Variants in MAST4 observed in about 807,000 individuals in gnomAD.
The protein encoded by MAST4 is microtubule-associated serine/threonine-protein kinase 4.
In MAST4, 89 loss-of-function variants were observed where a neutral mutation model predicts 162.7. The ratio of observed to expected loss-of-function variants is 0.55; its 90% CI spans 0.46 to 0.65. The LOEUF is 0.65. MAST4 is among the 30% of genes least tolerant of loss of function. The probability of loss-of-function intolerance (pLI) is 0.00; values close to 1 mark genes in which losing one functional copy is unlikely to be tolerated. For missense variants in MAST4, 3,153 were observed against 3,374.0 expected (o/e 0.93, Z 1.62); for synonymous variants, 1,479 against 1,361.1 (o/e 1.09, Z -1.91).
At chr5:66,832,553 A>T (rs1343703572) in intron 3 of MAST4, among the ~76,000 whole-genome samples, 1 of 152,176 alleles carries the variant, frequency 6.6e-6, no homozygotes, top group African/African-American at 2.4e-5. Context: ...GCAAAATAGC[A>T]GATAGATTCT....
At chr5:66,723,708 G>A (rs1297324420) in intron 1 of MAST4, among the ~76,000 whole-genome samples, 1 of 152,126 alleles carries the variant, frequency 6.6e-6, no homozygotes, top group Non-Finnish European at 1.5e-5. Flanking sequence ...CTTTTTCAAG[G>A]AATGATCTTA....
intron 4 of MAST4, among the ~76,000 whole-genome samples, chr5:66,981,625 C>T (rs986190761): frequency 1.3e-5 from 2 of 152,188 alleles, no homozygotes; most frequent in Non-Finnish European, 2.9e-5. Context: ...TAAAAACATC[C>T]TTAGTTTGTT....
chr5:67,165,558 C>T lies in MAST4; in HGVS notation c.6379C>T (p.Gln2127Ter). 1 of 1,614,002 alleles carries T rather than the reference C, an allele frequency of 6.2e-7. No individual in the cohort carries two copies. Among genetic ancestry groups the T allele is most frequent in the Non-Finnish European group, 8.5e-7 (1 of 1,179,874 alleles). Residue 2127 changes from glutamine (Q) to a stop codon, truncating the protein, a stop_gained, in exon 29 of 29, where the codon CAA (glutamine) becomes TAA (stop). Transcript: ENST00000403625. LOFTEE classifies it low-confidence loss of function (END_TRUNC). Reference protein sequence around the residue: ...KEPERKEQPLQRHPSSIPPPP... With the variant: ...KEPERKEQPL ...ACCTGAAAGGAAGGAGCAGCCTCTA[C>T]AAAGGCATCCCAGCAGCATCCCTCC...
chr5:66,745,502 A>G (rs1752701386), intron 1 of MAST4, among the ~76,000 whole-genome samples: 1 of 152,222 alleles, frequency 6.6e-6, no homozygotes, highest in Non-Finnish European at 1.5e-5. Context: ...TCATCGATTA[A>G]TGATCAATAT....
At chr5:66,828,879 C>T in intron 3 of MAST4, 1 of 1,602,180 alleles carries the variant, frequency 6.2e-7, no homozygotes, top group Non-Finnish European at 8.5e-7. Context: ...GAAGAGGGCT[C>T]CAGGTAGGAG....
At chr5:67,029,507 T>C (rs1755060650) in intron 4 of MAST4, among the ~76,000 whole-genome samples, 1 of 152,098 alleles carries the variant, frequency 6.6e-6, no homozygotes, top group African/African-American at 2.4e-5. Flanking sequence ...GTTAAGTATA[T>C]TGAGGGACCT....
At chr5:66,753,503 T>C (rs1222026625) in intron 1 of MAST4, among the ~76,000 whole-genome samples, 1 of 151,602 alleles carries the variant, frequency 6.6e-6, no homozygotes, top group Non-Finnish European at 1.5e-5. Flanking sequence ...CAAACTACCA[T>C]CAGAGAATAC....
At chr5:66,837,026 G>A (rs1215415156) in intron 3 of MAST4, among the ~76,000 whole-genome samples, 1 of 148,796 alleles carries the variant, frequency 6.7e-6, no homozygotes, top group Non-Finnish European at 1.5e-5. Context: ...GCAGGATCAT[G>A]TGTGTGTGTG....
At chr5:66,845,476 G>A (rs1168041131) in intron 3 of MAST4, among the ~76,000 whole-genome samples, 3 of 151,952 alleles carry the variant, frequency 2.0e-5, no homozygotes, top group African/African-American at 7.3e-5. Flanking sequence ...AGTATTCCAT[G>A]GTGTATATGT....
intron 12 of MAST4, among the ~76,000 whole-genome samples, chr5:67,116,980 T>C (rs1200936800): frequency 6.6e-6 from 1 of 152,204 alleles, no homozygotes. Flanking sequence ...CACTGCATGC[T>C]GTGTGAACCT....
chr5:66,686,618 A>G (rs557727558), intron 1 of MAST4, among the ~76,000 whole-genome samples: 8 of 152,298 alleles, frequency 5.3e-5, no homozygotes, highest in Admixed American at 1.3e-4. Flanking sequence ...CAGGATTCCA[A>G]TTGGATGCTT....
chr5:67,140,435 G>A (rs1275571800), intron 19 of MAST4, among the ~76,000 whole-genome samples: 1 of 152,252 alleles, frequency 6.6e-6, no homozygotes, highest in East Asian at 1.9e-4. Flanking sequence ...CTCCAGAGGT[G>A]CTATAGAACA....
chr5:66,840,429 T>C (rs1758337742), intron 3 of MAST4, among the ~76,000 whole-genome samples: 1 of 152,214 alleles, frequency 6.6e-6, no homozygotes, highest in Non-Finnish European at 1.5e-5. Context: ...GCTCACAGAT[T>C]CATTTTCCAT....
At chr5:67,144,582 C>T in intron 21 of MAST4, 87 bp from the exon 22 acceptor site, 1 of 1,362,524 alleles carries the variant, frequency 7.3e-7, no homozygotes, top group Non-Finnish European at 1.0e-6. Flanking sequence ...TAGTTATCCT[C>T]TCAGGTTTTT....
chr5:66,871,591 C>A (rs1376819290), intron 3 of MAST4, among the ~76,000 whole-genome samples: 2 of 152,232 alleles, frequency 1.3e-5, no homozygotes, highest in Non-Finnish European at 2.9e-5. Context: ...GTGTAACAGA[C>A]TTTAATTGAA....
At chr5:66,995,234 C>T (rs945381653) in intron 4 of MAST4, among the ~76,000 whole-genome samples, 2 of 152,024 alleles carry the variant, frequency 1.3e-5, no homozygotes, top group African/African-American at 2.4e-5. Context: ...TGCATTATTT[C>T]GTGTGTCAAA....
At chr5:67,083,593 A>G (rs1394142299) in intron 5 of MAST4, among the ~76,000 whole-genome samples, 1 of 152,184 alleles carries the variant, frequency 6.6e-6, no homozygotes, top group East Asian at 1.9e-4. Context: ...TAATTATGTT[A>G]AGGAATTAAA....
At chr5:67,146,425 AT>A (rs1771087302) in intron 23 of MAST4, among the ~76,000 whole-genome samples, 1 of 152,240 alleles carries the variant, frequency 6.6e-6, no homozygotes, top group Non-Finnish European at 1.5e-5. Context: ...ATATTCTTCT[AT>A]AGAGTATGTG....
rs114871480 is a variant in MAST4, at chr5:66,901,375, T to G, written c.674+1393T>G. ...ATAAAGATTATGTTAATTACAGAATTAGATTTCATATTTCTATTTAAGGGT... is the reference window on the plus strand; with the variant it reads ...ATAAAGATTATGTTAATTACAGAATGAGATTTCATATTTCTATTTAAGGGT... On this transcript the variant is annotated intron_variant, in intron 4 of 28. Coordinates refer to ENST00000403625, the MANE Select transcript of MAST4 (RefSeq NM_001164664.2). 3.0e-3 allele frequency among the ~76,000 whole-genome samples: 452 copies of G among 151,972 alleles called. 4 individuals carry two copies. The highest frequency in any genetic ancestry group is 0.01 in the Middle Eastern group (3 of 294).
Sources: gnomAD v4.1 joint callset for allele counts (sites outside exome capture counted in the v4.1 genomes callset) on GRCh38, gnomAD v4.1.1 for gene constraint, MANE v1.5 for transcripts, NCBI Gene and HGNC (gene_info 2026-07-23, HGNC 2026-07-21) for gene names.